The following PDE3A variants were observed in gnomAD, a reference collection of about 807,000 sequenced individuals.
PDE3A encodes phosphodiesterase 3A.
PDE3A carries 43 observed loss-of-function variants against 98.3 expected under a neutral mutation model. The ratio of observed to expected loss-of-function variants is 0.44; its 90% CI spans 0.34 to 0.56. The LOEUF (loss-of-function observed/expected upper bound fraction) is 0.56, where lower values mean the gene tolerates loss of function less well. Ranked by LOEUF, PDE3A falls within the 20% of genes least tolerant of loss-of-function variation. The pLI, the probability that PDE3A is intolerant of heterozygous loss-of-function variation, is 0.01. For missense variants in PDE3A, 1,427 were observed against 1,440.7 expected, an observed-to-expected ratio of 0.99 and a Z score of 0.15; for synonymous variants, 663 against 567.9, an observed-to-expected ratio of 1.17 and a Z score of -2.38.
At chr12:20,630,164 A>G in intron 6 of PDE3A, 37 bp downstream of exon 6, 2 of 1,462,438 alleles carry the variant, frequency 1.4e-6, no homozygotes, top group Non-Finnish European at 9.6e-7. Flanking sequence ...TAATAATAAA[A>G]ACGATGATAG....
chr12:20,527,030 G>A (rs995350884), intron 1 of PDE3A, among the ~76,000 whole-genome samples: 5 of 151,218 alleles, frequency 3.3e-5, no homozygotes, highest in Admixed American at 1.3e-4. Context: ...GCAATTCTCC[G>A]GCCTCAGCCT....
At chr12:20,557,151 G>A (rs941524144) in intron 2 of PDE3A, 4 of 161,212 alleles carry the variant, frequency 2.5e-5, no homozygotes, top group African/African-American at 7.2e-5. Context: ...TTCATCTGAG[G>A]GAAACAGAAA....
chr12:20,392,088 T>G lies in PDE3A; in HGVS notation c.960+21844T>G, dbSNP rs1367020144. 2.6e-5 allele frequency among the ~76,000 whole-genome samples: 4 copies of G among 151,896 alleles called. 1 individual carries two copies. The highest frequency in any genetic ancestry group is 5.9e-5 in the Non-Finnish European group (4 of 67,930). On this transcript the variant is annotated intron_variant, in intron 1 of 15. Transcript: ENST00000359062. ...CACTTGCTTTTTTTTGTCAGCATAA[T>G]AATCTATAGATGTATATTTTGTTTG...
chr12:20,581,712 A>C (rs945591663), intron 2 of PDE3A, among the ~76,000 whole-genome samples: 3 of 148,228 alleles, frequency 2.0e-5, no homozygotes, highest in Non-Finnish European at 4.4e-5. Flanking sequence ...TCCCGGGTTC[A>C]CGCCATTCTC....
intron 1 of PDE3A, among the ~76,000 whole-genome samples, chr12:20,551,031 AAT>A (rs999368829): frequency 4.6e-5 from 7 of 150,638 alleles, no homozygotes; most frequent in African/African-American, 1.7e-4. Context: ...AATGTGTATA[AAT>A]ATATATTTGT....
chr12:20,664,865 C>G (rs1039373613), intron 15 of PDE3A, among the ~76,000 whole-genome samples: 1 of 152,070 alleles, frequency 6.6e-6, no homozygotes, highest in African/African-American at 2.4e-5. Flanking sequence ...AAATATACTC[C>G]TCATCCAACC....
intron 2 of PDE3A, among the ~76,000 whole-genome samples, chr12:20,567,239 A>C (rs966684212): frequency 4.6e-5 from 7 of 152,032 alleles, no homozygotes; most frequent in Non-Finnish European, 1.0e-4. Context: ...CATTTATTCA[A>C]GTAAGCTTTG....
At chr12:20,380,891 G>T (rs1316492936) in intron 1 of PDE3A, among the ~76,000 whole-genome samples, 1 of 151,744 alleles carries the variant, frequency 6.6e-6, no homozygotes, top group Non-Finnish European at 1.5e-5. Context: ...TTTACATTTT[G>T]CAAAACATTT....
In PDE3A at chr12:20,528,604, T is replaced by C. The variant is rs186243750; in HGVS notation, c.961-28056T>C. ...TTCCTAGTACTTACTGCATCTACAA[T>C]AATTTAGTCATAAGATATTGATAAA... On this transcript the variant is annotated intron_variant, in intron 1 of 15. Coordinates refer to ENST00000359062, the MANE Select transcript of PDE3A (RefSeq NM_000921.5). 2.6e-5 allele frequency among the ~76,000 whole-genome samples: 4 copies of C among 152,212 alleles called. No homozygotes were observed. The East Asian group carries it at 7.7e-4, about 29-fold the overall frequency.
chr12:20,584,736 C>CT lies in PDE3A; in HGVS notation c.1011+28027dup, dbSNP rs576566847. 1.7e-3 allele frequency among the ~76,000 whole-genome samples: 252 copies of CT among 152,176 alleles called. 1 individual carries two copies. The highest frequency in any genetic ancestry group is 2.4e-3 in the Non-Finnish European group (166 of 67,994). On this transcript the variant is annotated intron_variant, in intron 2 of 15. Coordinates refer to ENST00000359062, the MANE Select transcript of PDE3A (RefSeq NM_000921.5). ...GACTTGTTCTTAGGCAAGATAAGGC[C>CT]TGTTCTGTAAAAAGTATCCATCTCA...
chr12:20,672,477 C>G (rs565101774), intron 15 of PDE3A, among the ~76,000 whole-genome samples: 9 of 151,704 alleles, frequency 5.9e-5, no homozygotes, highest in Non-Finnish European at 8.8e-5. Context: ...ACCAAAACAG[C>G]ATGGTACTGG....
At chr12:20,657,284 G>A (rs1945065391) in intron 15 of PDE3A, among the ~76,000 whole-genome samples, 1 of 152,094 alleles carries the variant, frequency 6.6e-6, no homozygotes, top group South Asian at 2.1e-4. Flanking sequence ...GACATTGCAA[G>A]GTTGTAGAAC....
At chr12:20,521,441 C>T (rs576167335) in intron 1 of PDE3A, among the ~76,000 whole-genome samples, 1 of 152,004 alleles carries the variant, frequency 6.6e-6, no homozygotes, top group African/African-American at 2.4e-5. Flanking sequence ...ATTGAATACT[C>T]AGTTGTGAAT....
intron 2 of PDE3A, among the ~76,000 whole-genome samples, chr12:20,598,053 A>G (rs2121398706): frequency 6.6e-6 from 1 of 152,278 alleles, no homozygotes; most frequent in Non-Finnish European, 1.5e-5. Context: ...TTTTCCAAAA[A>G]TATTTTTACA....
At chr12:20,620,245 C>G (rs750875943) in intron 4 of PDE3A, among the ~76,000 whole-genome samples, 6 of 152,024 alleles carry the variant, frequency 3.9e-5, no homozygotes, top group Non-Finnish European at 1.5e-5. Context: ...GCTACCCAGA[C>G]AGACCAAGCA....
intron 10 of PDE3A, among the ~76,000 whole-genome samples, chr12:20,645,854 AT>A (rs1944764281): frequency 1.3e-5 from 2 of 152,160 alleles, no homozygotes; most frequent in South Asian, 4.1e-4. Flanking sequence ...AGCTTCCTAC[AT>A]TATTATACAA....
chr12:20,502,528 T>G (rs1404439995), intron 1 of PDE3A, among the ~76,000 whole-genome samples: 1 of 152,142 alleles, frequency 6.6e-6, no homozygotes, highest in African/African-American at 2.4e-5. Flanking sequence ...TAGTCTGTCT[T>G]CCTTACTAGA....
At chr12:20,593,024 G>T (rs901230326) in intron 2 of PDE3A, among the ~76,000 whole-genome samples, 1 of 152,136 alleles carries the variant, frequency 6.6e-6, no homozygotes, top group African/African-American at 2.4e-5. Flanking sequence ...AATCTGGCAA[G>T]GAATTTAGTC....
intron 1 of PDE3A, among the ~76,000 whole-genome samples, chr12:20,451,417 G>T (rs1945063271): frequency 6.6e-6 from 1 of 152,052 alleles, no homozygotes; most frequent in Admixed American, 6.6e-5. Flanking sequence ...GGGATTATAG[G>T]TGTGTGCCAC....
Sources: allele counts gnomAD v4.1 joint callset (sites outside exome capture counted in the v4.1 genomes callset), GRCh38; gene constraint gnomAD v4.1.1; transcripts MANE v1.5; gene names NCBI Gene and HGNC (gene_info 2026-07-23, HGNC 2026-07-21).